The following KPNA3 variants were observed in gnomAD, a reference collection of about 807,000 sequenced individuals.
KPNA3 encodes importin subunit alpha-4.
KPNA3 carries 13 observed loss-of-function variants against 73.8 expected under a neutral mutation model. The ratio of observed to expected loss-of-function variants is 0.18; its 90% CI spans 0.11 to 0.28. The LOEUF is 0.28. Among genes scored for constraint, KPNA3 ranks in the 10% least tolerant of loss-of-function variants. KPNA3 has a pLI of 1.00. For missense variants in KPNA3, 360 were observed against 618.1 expected, an observed-to-expected ratio of 0.58 and a Z score of 4.43; for synonymous variants, 186 against 206.9, an observed-to-expected ratio of 0.90 and a Z score of 0.87.
At chr13:49,778,641 G>GT (rs779997185) in intron 1 of KPNA3, among the ~76,000 whole-genome samples, 1 of 152,088 alleles carries the variant, frequency 6.6e-6, no homozygotes, top group East Asian at 1.9e-4. Context: ...GAGAGCTTTT[G>GT]TTTTTTTGTT....
At chr13:49,713,674 C>A (rs9562916) in intron 10 of KPNA3, among the ~76,000 whole-genome samples, 3,134 of 141,978 alleles carry the variant, frequency 0.022, 36 homozygotes, top group Middle Eastern at 0.047. Flanking sequence ...CACACACACA[C>A]AAAACAGAAA....
chr13:49,761,098 T>G (rs1954755105), intron 1 of KPNA3, among the ~76,000 whole-genome samples: 1 of 152,220 alleles, frequency 6.6e-6, no homozygotes, highest in Non-Finnish European at 1.5e-5. Context: ...ACGTCATACT[T>G]TGGGAGGTCA....
At chr13:49,730,141 TTA>T (rs1050413942) in intron 6 of KPNA3, among the ~76,000 whole-genome samples, 7 of 152,322 alleles carry the variant, frequency 4.6e-5, no homozygotes, top group Admixed American at 2.6e-4. Context: ...TTTTTCTGTA[TTA>T]TATGTTATGT....
intron 16 of KPNA3, 28 bp downstream of exon 16, chr13:49,702,358 G>A (rs779218630): frequency 2.7e-6 from 3 of 1,119,778 alleles, no homozygotes; most frequent in Non-Finnish European, 4.0e-6. Context: ...TTTACATGAA[G>A]ATACACGCTA....
chr13:49,769,185 C>T (rs1463116273), intron 1 of KPNA3, among the ~76,000 whole-genome samples: 2 of 152,146 alleles, frequency 1.3e-5, no homozygotes, highest in Admixed American at 6.6e-5. Flanking sequence ...AGCCAGAATG[C>T]CACGTTACTT....
At chr13:49,725,062 T>C (rs145365190) in intron 7 of KPNA3, among the ~76,000 whole-genome samples, 5 of 152,324 alleles carry the variant, frequency 3.3e-5, no homozygotes, top group East Asian at 1.9e-4. Context: ...GTCAGTGTCA[T>C]TTAACAATAA....
At chr13:49,766,940 C>A (rs1319702143) in intron 1 of KPNA3, among the ~76,000 whole-genome samples, 2 of 143,162 alleles carry the variant, frequency 1.4e-5, no homozygotes, top group Non-Finnish European at 1.5e-5. Context: ...TTACAAATAA[C>A]TGAAATGGGA....
chr13:49,702,862 C>T (rs894695309), intron 15 of KPNA3, among the ~76,000 whole-genome samples: 1 of 152,106 alleles, frequency 6.6e-6, no homozygotes, highest in Non-Finnish European at 1.5e-5. Context: ...TATAAATTTA[C>T]TAATCTATTT....
At chr13:49,706,784 T>C (rs555332064) in intron 12 of KPNA3, among the ~76,000 whole-genome samples, 1 of 152,002 alleles carries the variant, frequency 6.6e-6, no homozygotes, top group East Asian at 1.9e-4. Context: ...AGTCTTGCTC[T>C]GTCGCCCAGG....
At chr13:49,732,096 T>C (rs1050776559) in intron 6 of KPNA3, among the ~76,000 whole-genome samples, 10 of 151,964 alleles carry the variant, frequency 6.6e-5, no homozygotes, top group Middle Eastern at 3.2e-3. Context: ...TAATAAAAAA[T>C]CCTAATAAAG....
At chr13:49,762,870 T>A (rs902621523) in intron 1 of KPNA3, among the ~76,000 whole-genome samples, 6 of 93,962 alleles carry the variant, frequency 6.4e-5, no homozygotes, top group Non-Finnish European at 9.0e-5. Flanking sequence ...ATAAAAAAAA[T>A]AAAATTAAAT....
intron 1 of KPNA3, among the ~76,000 whole-genome samples, chr13:49,771,396 T>C (rs114890654): frequency 0.012 from 1,853 of 152,342 alleles, 34 homozygotes; most frequent in African/African-American, 0.042. Context: ...AAATAAGTCT[T>C]ACACTTTTGC....
chr13:49,777,125 C>G (rs1445493757), intron 1 of KPNA3, among the ~76,000 whole-genome samples: 1 of 152,228 alleles, frequency 6.6e-6, no homozygotes, highest in Non-Finnish European at 1.5e-5. Context: ...TCCAATCCCT[C>G]TAATTATTTC....
intron 2 of KPNA3, among the ~76,000 whole-genome samples, chr13:49,740,945 C>CA (rs1954568146): frequency 6.6e-6 from 1 of 152,172 alleles, no homozygotes; most frequent in Non-Finnish European, 1.5e-5. Context: ...TAATGTCCTC[C>CA]AAGTTCATCC....
At chr13:49,776,772 T>G (rs1391370771) in intron 1 of KPNA3, among the ~76,000 whole-genome samples, 1 of 152,172 alleles carries the variant, frequency 6.6e-6, no homozygotes, top group Non-Finnish European at 1.5e-5. Flanking sequence ...GATGCTGAAG[T>G]TAACTAAAAT....
At chr13:49,708,345 G>A (rs1954227589) in intron 12 of KPNA3, among the ~76,000 whole-genome samples, 1 of 152,146 alleles carries the variant, frequency 6.6e-6, no homozygotes, top group Non-Finnish European at 1.5e-5. Context: ...CATCTACTAG[G>A]ATTGTCAGTA....
intron 2 of KPNA3, among the ~76,000 whole-genome samples, chr13:49,743,803 A>G (rs1021543231): frequency 5.3e-5 from 8 of 152,148 alleles, no homozygotes; most frequent in African/African-American, 1.9e-4. Flanking sequence ...AACTAATACA[A>G]AAGTTTTAAA....
chr13:49,760,806 G>C (rs1413246047), intron 1 of KPNA3, among the ~76,000 whole-genome samples: 1 of 152,098 alleles, frequency 6.6e-6, no homozygotes, highest in African/African-American at 2.4e-5. Context: ...AGACTGATAG[G>C]GGAAGTTTCA....
intron 1 of KPNA3, 64 bp downstream of exon 1, chr13:49,792,374 C>T (rs562741723): frequency 3.3e-6 from 4 of 1,225,040 alleles, no homozygotes; most frequent in East Asian, 3.1e-5. Context: ...GCCGGCCCCC[C>T]GCCCCTCCCC....
Sources: allele counts gnomAD v4.1 joint callset (sites outside exome capture counted in the v4.1 genomes callset), GRCh38; gene constraint gnomAD v4.1.1; transcripts MANE v1.5; gene names NCBI Gene and HGNC (gene_info 2026-07-23, HGNC 2026-07-21).